BANF2: variants seen among roughly 807,000 people sequenced by gnomAD.
BANF2 encodes the protein barrier-to-autointegration factor-like protein.
Under a neutral mutation model 8.0 loss-of-function variants are expected in BANF2, and 4 were observed. The ratio of observed to expected loss-of-function variants is 0.50; its 90% CI spans 0.25 to 1.14. BANF2 has a LOEUF of 1.14. BANF2 is among the 50% of genes most tolerant of loss of function. The pLI, the probability that BANF2 is intolerant of heterozygous loss-of-function variation, is 0.16. For synonymous variants in BANF2, 50 were observed against 40.6 expected, an observed-to-expected ratio of 1.23 and a Z score of -0.88; for missense variants, 96 against 107.5, an observed-to-expected ratio of 0.89 and a Z score of 0.47.
chr20:17,694,555 G>GTA (rs1379226755), intron 1 of BANF2, among the ~76,000 whole-genome samples: 1 of 133,374 alleles, frequency 7.5e-6, no homozygotes, highest in East Asian at 2.4e-4. Context: ...ATCTAACATT[G>GTA]TAGTGTTTTA....
At chr20:17,702,180 G>A (rs1185742469) in intron 1 of BANF2, among the ~76,000 whole-genome samples, 3 of 152,176 alleles carry the variant, frequency 2.0e-5, no homozygotes, top group Non-Finnish European at 4.4e-5. Context: ...GCTTGTGTGA[G>A]GAAGCAGGGT....
intron 3 of BANF2, among the ~76,000 whole-genome samples, chr20:17,735,440 C>T (rs771144532): frequency 6.6e-6 from 1 of 152,194 alleles, no homozygotes; most frequent in African/African-American, 2.4e-5. Context: ...CCAGGGTGGA[C>T]GGCCCGCAAA....
intron 3 of BANF2, among the ~76,000 whole-genome samples, chr20:17,727,616 A>G (rs2037827413): frequency 6.6e-6 from 1 of 152,020 alleles, no homozygotes; most frequent in African/African-American, 2.4e-5. Flanking sequence ...AAGCGCTTCA[A>G]GGTGAGGACC....
intron 1 of BANF2, among the ~76,000 whole-genome samples, chr20:17,706,893 T>C (rs553824508): frequency 9.9e-5 from 15 of 152,268 alleles, no homozygotes; most frequent in Admixed American, 2.6e-4. Flanking sequence ...TGCAGGCAAG[T>C]AGACGCTGTG....
At chr20:17,723,730 C>T (rs963023126) in intron 2 of BANF2, among the ~76,000 whole-genome samples, 18 of 152,184 alleles carry the variant, frequency 1.2e-4, no homozygotes, top group African/African-American at 4.3e-4. Flanking sequence ...CGCAGCAGCT[C>T]ATGCCTGTAA....
intron 1 of BANF2, among the ~76,000 whole-genome samples, chr20:17,702,271 C>T (rs750920809): frequency 2.0e-5 from 3 of 152,200 alleles, no homozygotes; most frequent in African/African-American, 4.8e-5. Flanking sequence ...TCCTCTTGGA[C>T]GTTGCCCTGA....
chr20:17,714,563 G>A (rs780933391), intron 1 of BANF2, among the ~76,000 whole-genome samples: 13 of 152,236 alleles, frequency 8.5e-5, no homozygotes, highest in Non-Finnish European at 1.5e-4. Context: ...AGACAAGCTG[G>A]CTTCTTCATG....
chr20:17,704,303 A>G (rs1436474196), intron 1 of BANF2, among the ~76,000 whole-genome samples: 2 of 152,208 alleles, frequency 1.3e-5, no homozygotes, highest in Non-Finnish European at 2.9e-5. Flanking sequence ...TCTAGTTAAG[A>G]TGCAGATTTA....
At chr20:17,694,892 G>T (rs1367335648) in intron 1 of BANF2, among the ~76,000 whole-genome samples, 2 of 151,950 alleles carry the variant, frequency 1.3e-5, no homozygotes, top group Non-Finnish European at 2.9e-5. Flanking sequence ...AAAGTGCTGG[G>T]CTTATAGGTG....
At chr20:17,718,498 T>C (rs2037686588) in intron 1 of BANF2, among the ~76,000 whole-genome samples, 1 of 152,184 alleles carries the variant, frequency 6.6e-6, no homozygotes, top group Non-Finnish European at 1.5e-5. Flanking sequence ...TTTTAGAGAA[T>C]AACAAGTTCA....
chr20:17,733,227 C>T (rs370719648), intron 3 of BANF2, among the ~76,000 whole-genome samples: 2 of 152,184 alleles, frequency 1.3e-5, no homozygotes, highest in Admixed American at 1.3e-4. Context: ...GATGCATTAG[C>T]CTCCAGGCCA....
intron 1 of BANF2, among the ~76,000 whole-genome samples, chr20:17,721,310 G>C (rs751134764): frequency 3.3e-5 from 5 of 152,094 alleles, no homozygotes; most frequent in Non-Finnish European, 7.4e-5. Context: ...GAGTTTCTGC[G>C]GGAGGTTGCC....
intron 1 of BANF2, among the ~76,000 whole-genome samples, chr20:17,694,887 G>C (rs2037332848): frequency 6.6e-6 from 1 of 152,020 alleles, no homozygotes; most frequent in South Asian, 2.1e-4. Context: ...CTCCCAAAGT[G>C]CTGGGCTTAT....
chr20:17,693,684 G>C (rs747023898), exon 1 of BANF2: 1 of 1,551,588 alleles, frequency 6.4e-7, no homozygotes, highest in South Asian at 1.2e-5. Flanking sequence ...GCAACCCTGC[G>C]CTGAATGCTG....
chr20:17,695,966 G>A (rs991412903), upstream of BANF2, among the ~76,000 whole-genome samples: 2 of 152,126 alleles, frequency 1.3e-5, no homozygotes, highest in African/African-American at 4.8e-5. Flanking sequence ...TCAGCATAAT[G>A]TTTTCAAGGT....
At chr20:17,712,512 A>G in intron 1 of BANF2, 2 of 983,362 alleles carry the variant, frequency 2.0e-6, no homozygotes, top group East Asian at 1.1e-4. Context: ...GAATCTAAAG[A>G]GTCTGCCCAC....
At chr20:17,700,082 G>T in intron 1 of BANF2, 27 bp downstream of exon 1, 1 of 891,102 alleles carries the variant, frequency 1.1e-6, no homozygotes, top group Non-Finnish European at 1.3e-6. Context: ...TTCCCAAGCA[G>T]CATGGAAGGA....
intron 2 of BANF2, among the ~76,000 whole-genome samples, chr20:17,724,695 C>T (rs1158665672): frequency 6.6e-6 from 1 of 152,154 alleles, no homozygotes; most frequent in Non-Finnish European, 1.5e-5. Flanking sequence ...TAAGTTGTTG[C>T]TTTAGGCATT....
intron 3 of BANF2, among the ~76,000 whole-genome samples, chr20:17,733,710 C>CT (rs1009657525): frequency 6.6e-6 from 1 of 152,048 alleles, no homozygotes; most frequent in African/African-American, 2.4e-5. Context: ...AACTATATTG[C>CT]TTTTTTTAAA....
Sources: allele counts gnomAD v4.1 joint callset (sites outside exome capture counted in the v4.1 genomes callset), GRCh38; gene constraint gnomAD v4.1.1; transcripts MANE v1.5; gene names NCBI Gene and HGNC (gene_info 2026-07-23, HGNC 2026-07-21).